Variants in TPD52L3 observed in about 807,000 individuals in gnomAD.
The protein encoded by TPD52L3 is tumor protein D55.
A neutral mutation model predicts 8.7 loss-of-function variants in TPD52L3; 12 were observed. That is an observed-to-expected ratio of 1.38 (90% CI 0.89 to 2.24). The LOEUF (loss-of-function observed/expected upper bound fraction) is 2.24. Among genes scored for constraint, TPD52L3 ranks in the 30% most tolerant of loss-of-function variants. The probability of loss-of-function intolerance (pLI) is 0.00; values close to 1 mark genes in which losing one functional copy is unlikely to be tolerated. For synonymous variants in TPD52L3, 79 were observed against 66.8 expected, an observed-to-expected ratio of 1.18 and a Z score of -0.89; for missense variants, 207 against 158.7, an observed-to-expected ratio of 1.30 and a Z score of -1.64.
chr9:6,330,133 CCTAA>C, intron 1 of TPD52L3: 1 of 1,611,420 alleles, frequency 6.2e-7, no homozygotes, highest in Non-Finnish European at 8.5e-7. Context: ...TTTGAATGGA[CCTAA>C]CTATACATCT....
Position 6,331,036 on chromosome 9 carries a change from C to T in TPD52L3, c.*17C>T. The T allele has an allele frequency of 3.7e-6, 6 of 1,606,412 alleles. No homozygotes were observed. The highest frequency in any genetic ancestry group is 5.1e-6 in the Non-Finnish European group (6 of 1,175,250). On this transcript the variant is annotated 3_prime_UTR_variant, in exon 2 of 2. Transcript: ENST00000314556. The stretch of plus-strand genomic sequence containing the variant: ...AGGAATTAACATCATATACTTCAGA[C>T]ATCAAATATGGAATCCAAGAGACTA...
intron 1 of TPD52L3, 123 bp from the exon 2 acceptor site, chr9:6,330,853 G>T: frequency 6.8e-7 from 1 of 1,477,488 alleles, no homozygotes. Flanking sequence ...CCTGAGAGAT[G>T]TTATATTTTA....
intron 1 of TPD52L3, chr9:6,329,949 C>T: frequency 7.6e-7 from 1 of 1,312,104 alleles, no homozygotes; most frequent in East Asian, 2.9e-5. Context: ...GCCATAGCAG[C>T]ACTTCACTTA....
chr9:6,329,657 T>C (rs1272817150), intron 1 of TPD52L3: 4 of 1,001,760 alleles, frequency 4.0e-6, no homozygotes, highest in Non-Finnish European at 4.8e-6. Context: ...CCTACAACTT[T>C]TATTTTAAAA....
At position 6,331,734 on chromosome 9, in the gene TPD52L3, T is replaced by G. The variant is rs985157791; in HGVS notation, c.*715T>G. On this transcript the variant is annotated 3_prime_UTR_variant, in exon 2 of 2. Coordinates refer to ENST00000314556, the MANE Select transcript of TPD52L3 (RefSeq NM_001001874.3). The stretch of plus-strand genomic sequence containing the variant: ...CTCTCAGACTTAGGAACCAACTGCA[T>G]GAGGCGGGGCTTGGGGGGATAAATT... 2 of 151,920 alleles carry G rather than the reference T, an allele frequency of 1.3e-5. No individual in the cohort carries two copies. Among genetic ancestry groups the G allele is most frequent in the Non-Finnish European group, 2.9e-5 (2 of 67,868 alleles). 9.4% of individuals were successfully genotyped at this position (151,920 alleles called of 1,614,324 possible). A position where few individuals can be genotyped will look rare whatever the true frequency, so the allele number is the denominator to read the frequency against.
chr9:6,330,008 T>A, intron 1 of TPD52L3: 1 of 1,357,094 alleles, frequency 7.4e-7, no homozygotes, highest in Non-Finnish European at 9.5e-7. Flanking sequence ...AGTTACCACC[T>A]CCAGCTGAGG....
intron 1 of TPD52L3, chr9:6,330,563 A>G (rs1220207104): frequency 1.3e-5 from 15 of 1,173,748 alleles, no homozygotes; most frequent in Non-Finnish European, 1.6e-5. Flanking sequence ...CACTATAAAT[A>G]CAAAAGCATC....
intron 1 of TPD52L3, chr9:6,329,592 T>A: frequency 1.0e-6 from 1 of 1,001,872 alleles, no homozygotes. Context: ...TTGTTTTCCC[T>A]TCCCCATTTC....
At position 6,331,155 on chromosome 9, in the gene TPD52L3, G is replaced by A; in HGVS notation, c.*136G>A. The stretch of plus-strand genomic sequence containing the variant: ...AATCTGAGACCCTACTCTGTATCAA[G>A]AACTGTCCCAGGTTCTGAAAGCATA... On this transcript the variant is annotated 3_prime_UTR_variant, in exon 2 of 2. Coordinates refer to ENST00000314556, the MANE Select transcript of TPD52L3 (RefSeq NM_001001874.3). 1.1e-6 allele frequency: 1 copy of A among 873,162 alleles called. No individual in the cohort carries two copies. The highest frequency in any genetic ancestry group is 1.8e-6 in the Non-Finnish European group (1 of 565,822). 54.1% of individuals were successfully genotyped at this position (873,162 alleles called of 1,614,324 possible). A position where few individuals can be genotyped will look rare whatever the true frequency, so the allele number is the denominator to read the frequency against.
chr9:6,329,144 T>C, intron 1 of TPD52L3, 182 bp downstream of exon 1: 2 of 1,478,518 alleles, frequency 1.4e-6, no homozygotes, highest in Non-Finnish European at 1.8e-6. Context: ...GATGACCATC[T>C]CCACTTTCTG....
chr9:6,330,021 C>A, intron 1 of TPD52L3: 2 of 1,379,122 alleles, frequency 1.5e-6, no homozygotes, highest in East Asian at 2.7e-5. Context: ...AGCTGAGGGG[C>A]TGGAGGAAAA....
At chr9:6,329,432 C>G in intron 1 of TPD52L3, 1 of 1,043,872 alleles carries the variant, frequency 9.6e-7, no homozygotes, top group Non-Finnish European at 1.2e-6. Context: ...GAGACTGTAT[C>G]TAATGGGCAA....
At chr9:6,330,553 C>G (rs1343530045) in intron 1 of TPD52L3, 2 of 1,189,748 alleles carry the variant, frequency 1.7e-6, no homozygotes, top group South Asian at 7.2e-5. Flanking sequence ...AACCAAATAC[C>G]ACTATAAATA....
intron 1 of TPD52L3, chr9:6,330,720 C>A: frequency 7.9e-7 from 1 of 1,259,730 alleles, no homozygotes; most frequent in Non-Finnish European, 1.0e-6. Flanking sequence ...GCTTTGTATG[C>A]TGGAGAACAA....
At chr9:6,330,681 T>C (rs1818135330) in intron 1 of TPD52L3, 1 of 1,219,584 alleles carries the variant, frequency 8.2e-7, no homozygotes, top group Non-Finnish European at 1.0e-6. Context: ...TGTTCGATTT[T>C]TAATTTGTTG....
chr9:6,329,917 A>T, intron 1 of TPD52L3: 1 of 1,284,478 alleles, frequency 7.8e-7, no homozygotes, highest in Non-Finnish European at 9.9e-7. Context: ...TTAAAGTTTA[A>T]CCCTTGAAGC....
At chr9:6,329,527 G>T in intron 1 of TPD52L3, 1 of 1,009,132 alleles carries the variant, frequency 9.9e-7, no homozygotes. Flanking sequence ...GTAGAGTTCT[G>T]TTTAAGCTTG....
chr9:6,329,113 C>T, intron 1 of TPD52L3, 151 bp downstream of exon 1: 1 of 1,526,910 alleles, frequency 6.5e-7, no homozygotes, highest in East Asian at 2.3e-5. Context: ...GAATGAGCCA[C>T]TCCCAGTTCT....
chr9:6,328,789 G>A lies in TPD52L3; in HGVS notation c.194G>A (p.Gly65Asp). Reference sequence around the variant, plus strand: ...TGTGGGGAACTCAAGAGGAAGTTAGGCCTCACCGCCTTGGTAGGGCTGAGA... The same window carrying A: ...TGTGGGGAACTCAAGAGGAAGTTAGACCTCACCGCCTTGGTAGGGCTGAGA... Reference protein sequence around the residue: ...RRCGELKRKLGLTALVGLRQN... With the variant: ...RRCGELKRKLDLTALVGLRQN... The change falls in exon 1 of 2, where the codon GGC (glycine) becomes GAC (aspartate). Residue 65 changes from glycine (G) to aspartate (D), a missense_variant. Coordinates refer to ENST00000314556, the MANE Select transcript of TPD52L3 (RefSeq NM_001001874.3). The A allele has an allele frequency of 2.5e-6, 4 of 1,614,180 alleles. No individual in the cohort carries two copies. Among genetic ancestry groups the A allele is most frequent in the Non-Finnish European group, 3.4e-6 (4 of 1,180,040 alleles).
Sources: allele counts gnomAD v4.1 joint callset, GRCh38; gene constraint gnomAD v4.1.1; transcripts MANE v1.5; gene names NCBI Gene and HGNC (gene_info 2026-07-23, HGNC 2026-07-21).